Variants in TAOK3 observed in about 807,000 individuals in gnomAD.
TAOK3 encodes TAO kinase 3.
A neutral mutation model predicts 120.4 loss-of-function variants in TAOK3; 40 were observed. The observed-to-expected ratio is 0.33, with a 90% CI of 0.26 to 0.43. TAOK3 has a LOEUF of 0.43. Among genes scored for constraint, TAOK3 ranks in the 20% least tolerant of loss-of-function variants. The pLI is 1.00. For synonymous variants in TAOK3, 355 were observed against 387.5 expected, an observed-to-expected ratio of 0.92 and a Z score of 0.99; for missense variants, 821 against 1,112.1, an observed-to-expected ratio of 0.74 and a Z score of 3.72.
At chr12:118,267,642 T>C (rs2041510593) in intron 1 of TAOK3, among the ~76,000 whole-genome samples, 1 of 151,102 alleles carries the variant, frequency 6.6e-6, no homozygotes, top group African/African-American at 2.4e-5. Flanking sequence ...ATCCCGGCAC[T>C]TTGGGAGGCC....
chr12:118,294,132 T>A (rs2042587369), intron 1 of TAOK3, among the ~76,000 whole-genome samples: 1 of 152,172 alleles, frequency 6.6e-6, no homozygotes, highest in South Asian at 2.1e-4. Context: ...TGTATGTGTA[T>A]CAATTTTATT....
intron 16 of TAOK3, among the ~76,000 whole-genome samples, chr12:118,175,852 T>C (rs1016880346): frequency 2.6e-5 from 4 of 152,192 alleles, no homozygotes; most frequent in Non-Finnish European, 5.9e-5. Context: ...CAAAGTGCAG[T>C]TCTTTGGGAA....
intron 5 of TAOK3, among the ~76,000 whole-genome samples, chr12:118,242,582 G>A (rs948549489): frequency 5.3e-5 from 8 of 152,118 alleles, no homozygotes; most frequent in African/African-American, 1.7e-4. Flanking sequence ...ACTAAGGGCC[G>A]AGCACAATGG....
intron 9 of TAOK3, among the ~76,000 whole-genome samples, chr12:118,218,660 C>CT (rs139059918): frequency 0.094 from 14,218 of 151,346 alleles, 844 homozygotes; most frequent in Non-Finnish European, 0.13. Flanking sequence ...CTCAACCCTC[C>CT]TTTTTTTTTC....
intron 9 of TAOK3, among the ~76,000 whole-genome samples, chr12:118,221,718 T>C (rs2039241870): frequency 6.8e-6 from 1 of 146,086 alleles, no homozygotes; most frequent in African/African-American, 2.6e-5. Context: ...CACTGCAAGC[T>C]CTGCCTCACA....
At position 118,161,658 on chromosome 12, in the gene TAOK3, T is replaced by G; in HGVS notation, c.2139+130A>C. On this transcript the variant is annotated intron_variant, in intron 18 of 20. Transcript: ENST00000392533. The surrounding 1 kb of genome is among the most constrained non-coding windows in gnomAD (Gnocchi z 4.5). ...AAATATAGACTCTGTGCTTTGCAAC[T>G]GGAGATTCTGATACAATAGGTGTGG... 8.1e-7 allele frequency: 1 copy of G among 1,235,730 alleles called. No homozygotes were observed. The highest frequency in any genetic ancestry group is 1.1e-6 in the Non-Finnish European group (1 of 878,102). The allele number at this position is 1,235,730 out of a possible 1,614,324, so 76.5% of individuals were successfully genotyped here. A position where few individuals can be genotyped will look rare whatever the true frequency, so the allele number is the denominator to read the frequency against.
In TAOK3 at chr12:118,226,859, A is replaced by G. The variant is rs569136004; in HGVS notation, c.643+6815T>C. On this transcript the variant is annotated intron_variant, in intron 9 of 20. Transcript: ENST00000392533. ...AGCACATATAAGGGGCTGTCTTAAGAGAGGAAGCACTAAGGTATCTCTTGG... is the reference window on the plus strand; with the variant it reads ...AGCACATATAAGGGGCTGTCTTAAGGGAGGAAGCACTAAGGTATCTCTTGG... 2.0e-5 allele frequency among the ~76,000 whole-genome samples: 3 copies of G among 152,318 alleles called. No individual in the cohort carries two copies. The East Asian group carries it at 5.8e-4, about 29-fold the overall frequency.
chr12:118,265,576 A>G (rs1465679627), intron 2 of TAOK3, among the ~76,000 whole-genome samples: 2 of 152,282 alleles, frequency 1.3e-5, no homozygotes, highest in East Asian at 3.9e-4. Context: ...CAGAAATAAT[A>G]TAACACCTCA....
At position 118,243,449 on chromosome 12, in the gene TAOK3, T is replaced by C; in HGVS notation, c.260A>G (p.Tyr87Cys). The C allele has an allele frequency of 6.4e-7, 1 of 1,574,334 alleles. No individual in the cohort carries two copies. Among genetic ancestry groups the C allele is most frequent in the Non-Finnish European group, 8.6e-7 (1 of 1,165,868 alleles). Residue 87 changes from tyrosine to cysteine, a missense_variant, in exon 5 of 21, where the codon TAC becomes TGC. Coordinates refer to ENST00000392533, the MANE Select transcript of TAOK3 (RefSeq NM_016281.4). ...GTGTTCTTTCAAGTAACAGCCTTTG[T>C]ACTCAATAGTATTAGGATGCTTCAA... The part of the protein sequence containing the change: ...RQLKHPNTIE[Y>C]KGCYLKEHTA...
chr12:118,362,643 G>A (rs988574907), intron 1 of TAOK3, among the ~76,000 whole-genome samples: 25 of 152,106 alleles, frequency 1.6e-4, no homozygotes, highest in Non-Finnish European at 2.9e-4. Flanking sequence ...CCCTCTCCCA[G>A]GCTCTACCTC....
intron 2 of TAOK3, among the ~76,000 whole-genome samples, chr12:118,265,172 C>T (rs574377272): frequency 2.3e-4 from 34 of 148,582 alleles, no homozygotes; most frequent in East Asian, 2.1e-4. Context: ...GGGCAGATCA[C>T]GAGGTCAGGA....
At chr12:118,274,785 C>T (rs889264795) in intron 1 of TAOK3, among the ~76,000 whole-genome samples, 17 of 151,788 alleles carry the variant, frequency 1.1e-4, no homozygotes, top group East Asian at 7.8e-4. Flanking sequence ...CGTGCGACCA[C>T]ACCCTGTTAA....
intron 14 of TAOK3, among the ~76,000 whole-genome samples, chr12:118,185,342 CAG>C (rs746941844): frequency 6.6e-6 from 1 of 152,160 alleles, no homozygotes; most frequent in Non-Finnish European, 1.5e-5. Flanking sequence ...ATCTGAAGTG[CAG>C]AGTGTCCCTA....
rs150965656 is a variant in TAOK3, at chr12:118,286,866, T to C, written c.-193-20107A>G. ...GGATAAAGAAACTGTGGTATATATA[T>C]TTAATGGGATACTCTCAGCCATAAA... On this transcript the variant is annotated intron_variant, in intron 1 of 20. Transcript: ENST00000392533. Among the ~76,000 whole-genome samples the C allele has an allele frequency of 3.6e-3, 545 of 152,344 alleles. 1 individual carries two copies. The highest frequency in any genetic ancestry group is 0.012 in the African/African-American group (503 of 41,584).
intron 1 of TAOK3, among the ~76,000 whole-genome samples, chr12:118,348,845 C>CT (rs756607862): frequency 0.068 from 8,720 of 127,726 alleles, 622 homozygotes; most frequent in Non-Finnish European, 0.1. Context: ...AAAATAATTT[C>CT]TTTTTTTTTT....
chr12:118,251,825 C>CT (rs761219744), intron 3 of TAOK3, among the ~76,000 whole-genome samples: 20,206 of 142,154 alleles, frequency 0.14, 1,464 homozygotes, highest in Middle Eastern at 0.17. Flanking sequence ...GGTTTGGCTG[C>CT]TTTTTTTTTT....
At chr12:118,310,543 C>G (rs2043222828) in intron 1 of TAOK3, among the ~76,000 whole-genome samples, 1 of 152,082 alleles carries the variant, frequency 6.6e-6, no homozygotes, top group Non-Finnish European at 1.5e-5. Flanking sequence ...TACATCTGTT[C>G]CAAACTGGTA....
At chr12:118,184,585 G>A (rs1045999417) in intron 14 of TAOK3, among the ~76,000 whole-genome samples, 11 of 152,172 alleles carry the variant, frequency 7.2e-5, no homozygotes, top group Non-Finnish European at 1.3e-4. Flanking sequence ...CAGAAAAAGA[G>A]TGACTATTTT....
chr12:118,181,674 A>G lies in TAOK3; in HGVS notation c.1330-67T>C, dbSNP rs545116651. The G allele has an allele frequency of 9.3e-5, 128 of 1,371,874 alleles. 3 individuals carry two copies. The East Asian group carries it at 1.2e-3, about 13-fold the overall frequency. The allele number at this position is 1,371,874 out of a possible 1,614,324, so 85.0% of individuals were successfully genotyped here. On this transcript the variant is annotated intron_variant, in intron 14 of 20. Transcript: ENST00000392533. ...TGGGAGACAAGCTTTCATGCAAAGT[A>G]GAACGGCCCTGTGGCATAATTTTAT...
Sources: allele counts gnomAD v4.1 joint callset (sites outside exome capture counted in the v4.1 genomes callset), GRCh38; gene constraint gnomAD v4.1.1; non-coding constraint Gnocchi (gnomAD v3.1); transcripts MANE v1.5; gene names NCBI Gene and HGNC (gene_info 2026-07-23, HGNC 2026-07-21).